Variants in ZC3H12B observed in about 807,000 individuals in gnomAD.
The protein encoded by ZC3H12B is probable ribonuclease ZC3H12B.
In ZC3H12B, 7 loss-of-function variants were observed where a neutral mutation model predicts 43.9. The observed-to-expected ratio is 0.16, with a 90% CI of 0.09 to 0.30. The LOEUF (loss-of-function observed/expected upper bound fraction) is 0.30, where lower values mean the gene tolerates loss of function less well. Ranked by LOEUF, ZC3H12B falls within the 10% of genes least tolerant of loss-of-function variation. The pLI, the probability that ZC3H12B is intolerant of heterozygous loss-of-function variation, is 1.00. For synonymous variants in ZC3H12B, 222 were observed against 241.7 expected, an observed-to-expected ratio of 0.92 and a Z score of 0.76; for missense variants, 475 against 670.2, an observed-to-expected ratio of 0.71 and a Z score of 3.22.
chrX:65,343,574 G>A, the ZC3H12B span, among the ~76,000 whole-genome samples: 1 of 111,781 alleles, frequency 8.9e-6, no homozygotes, highest in African/African-American at 3.2e-5. Flanking sequence ...AAAGACAAAA[G>A]CCACATGACT....
chrX:65,302,233 T>C, the ZC3H12B span, among the ~76,000 whole-genome samples: 4 of 111,202 alleles, frequency 3.6e-5, no homozygotes, highest in Non-Finnish European at 5.7e-5. Flanking sequence ...AAAACTGCTT[T>C]TTTTTTTTAC....
chrX:65,441,347 G>A (rs1372185650), intron 3 of ZC3H12B, among the ~76,000 whole-genome samples: 3 of 112,194 alleles, frequency 2.7e-5, no homozygotes, highest in Non-Finnish European at 5.6e-5. Flanking sequence ...GACAGCCAGT[G>A]CTGTAGAGAA....
chrX:65,085,506 G>A, the ZC3H12B span, among the ~76,000 whole-genome samples: 1 of 111,303 alleles, frequency 9.0e-6, no homozygotes, highest in Admixed American at 9.6e-5. Context: ...GGGTGTAATG[G>A]CTCACACCTA....
At chrX:65,294,872 G>C in the ZC3H12B span, among the ~76,000 whole-genome samples, 1 of 110,423 alleles carries the variant, frequency 9.1e-6, no homozygotes, top group Non-Finnish European at 1.9e-5. Flanking sequence ...CTAGACCTAA[G>C]AAATGAGATA....
At chrX:65,165,886 G>T in the ZC3H12B span, among the ~76,000 whole-genome samples, 1 of 111,834 alleles carries the variant, frequency 8.9e-6, no homozygotes, top group African/African-American at 3.3e-5. Flanking sequence ...CCTCCACAAA[G>T]GTTGATCTAA....
At chrX:65,291,492 G>T in the ZC3H12B span, among the ~76,000 whole-genome samples, 1 of 111,855 alleles carries the variant, frequency 8.9e-6, no homozygotes, top group African/African-American at 3.2e-5. Context: ...TGCCATATGT[G>T]ACAACATAAA....
At chrX:65,231,357 G>A in the ZC3H12B span, among the ~76,000 whole-genome samples, 1 of 111,360 alleles carries the variant, frequency 9.0e-6, no homozygotes, top group Non-Finnish European at 1.9e-5. Flanking sequence ...GCATTATCTT[G>A]ATAAACATCT....
chrX:65,128,199 G>T, the ZC3H12B span, among the ~76,000 whole-genome samples: 1 of 112,177 alleles, frequency 8.9e-6, no homozygotes, highest in East Asian at 2.8e-4. Context: ...TTTTGATACA[G>T]GCATGCAGTG....
chrX:65,501,443 C>A (rs936214124), intron 4 of ZC3H12B, among the ~76,000 whole-genome samples: 1 of 109,253 alleles, frequency 9.2e-6, no homozygotes, highest in African/African-American at 3.3e-5. Context: ...TCTTTACAGA[C>A]GGGGTTTCAC....
chrX:65,213,942 CACAT>C, the ZC3H12B span, among the ~76,000 whole-genome samples: 24 of 109,823 alleles, frequency 2.2e-4, no homozygotes, highest in African/African-American at 6.6e-4. Context: ...CACACACACA[CACAT>C]ATATAACAAG....
At chrX:65,214,574 T>G in the ZC3H12B span, among the ~76,000 whole-genome samples, 1 of 111,802 alleles carries the variant, frequency 8.9e-6, no homozygotes, top group African/African-American at 3.2e-5. Flanking sequence ...ATCTTCAGTC[T>G]CCACTTCTAA....
the ZC3H12B span, among the ~76,000 whole-genome samples, chrX:65,361,500 A>T: frequency 1.8e-5 from 2 of 112,257 alleles, no homozygotes; most frequent in African/African-American, 6.5e-5. Context: ...CAAATAACAC[A>T]TGTAAGTAAG....
At chrX:65,413,152 C>G (rs923620550) in intron 3 of ZC3H12B, among the ~76,000 whole-genome samples, 2 of 110,472 alleles carry the variant, frequency 1.8e-5, no homozygotes, top group African/African-American at 6.6e-5. Flanking sequence ...GGCTGTTTGT[C>G]CTTTTGTTGT....
chrX:65,352,301 C>T, the ZC3H12B span, among the ~76,000 whole-genome samples: 4 of 111,088 alleles, frequency 3.6e-5, no homozygotes, highest in African/African-American at 1.3e-4. Context: ...GAACATCACA[C>T]ACCAGGGCCT....
the ZC3H12B span, among the ~76,000 whole-genome samples, chrX:65,265,672 T>C: frequency 8.9e-6 from 1 of 112,320 alleles, no homozygotes; most frequent in Admixed American, 9.4e-5. Flanking sequence ...AATCAATTTA[T>C]TTTAATGTCG....
chrX:65,486,614 A>G (rs1443015788), upstream of ZC3H12B, among the ~76,000 whole-genome samples: 1 of 112,564 alleles, frequency 8.9e-6, no homozygotes, highest in Non-Finnish European at 1.9e-5. Context: ...TATTTCTGCT[A>G]AGCCACTTAT....
At chrX:65,471,445 A>ATTTTTTTTTTTTTT (rs781370409) in intron 3 of ZC3H12B, among the ~76,000 whole-genome samples, 1 of 61,082 alleles carries the variant, frequency 1.6e-5, no homozygotes, top group Non-Finnish European at 3.0e-5. Flanking sequence ...TTGGTTTGTG[A>ATTTTTTTTTTTTTT]TTTTTTTTTT....
the ZC3H12B span, among the ~76,000 whole-genome samples, chrX:65,285,882 TAG>T: frequency 9.0e-6 from 1 of 111,484 alleles, no homozygotes; most frequent in Admixed American, 9.5e-5. Context: ...ACACAGAATA[TAG>T]AAAACAACCA....
chrX:65,213,434 TTGAG>T, the ZC3H12B span, among the ~76,000 whole-genome samples: 1 of 111,149 alleles, frequency 9.0e-6, no homozygotes, highest in Admixed American at 9.7e-5. Context: ...GGTATACAGG[TTGAG>T]TATGTCTTAT....
Sources: allele counts gnomAD v4.1 joint callset (sites outside exome capture counted in the v4.1 genomes callset), GRCh38; gene constraint gnomAD v4.1.1; transcripts MANE v1.5; gene names NCBI Gene and HGNC (gene_info 2026-07-23, HGNC 2026-07-21).